HMCN1: variants seen among roughly 807,000 people sequenced by gnomAD.
HMCN1 encodes the protein hemicentin-1.
A neutral mutation model predicts 625.9 loss-of-function variants in HMCN1; 321 were observed. The ratio of observed to expected loss-of-function variants is 0.51; its 90% CI spans 0.47 to 0.56. HMCN1 has a LOEUF of 0.56. Ranked by LOEUF, HMCN1 falls within the 20% of genes least tolerant of loss-of-function variation. HMCN1 has a pLI of 0.00. For synonymous variants in HMCN1, 2,425 were observed against 2,417.6 expected, an observed-to-expected ratio of 1.00 and a Z score of -0.09; for missense variants, 6,588 against 6,887.3, an observed-to-expected ratio of 0.96 and a Z score of 1.54.
At chr1:186,070,837 A>G in intron 52 of HMCN1, 80 bp downstream of exon 52, 1 of 1,346,142 alleles carries the variant, frequency 7.4e-7, no homozygotes, top group Non-Finnish European at 1.1e-6. Flanking sequence ...TAAAATAGAC[A>G]CAAGTGACTC....
intron 41 of HMCN1, among the ~76,000 whole-genome samples, chr1:186,046,931 A>G (rs1259911194): frequency 6.6e-6 from 1 of 152,192 alleles, no homozygotes; most frequent in African/African-American, 2.4e-5. Context: ...ATCTGCCCAC[A>G]GTTACTGAAA....
rs1003271443 is a variant in HMCN1 at position 186,122,985 on chromosome 1, T to C, written c.12264T>C (p.Tyr4088=). ...PPVISPHLKE[Y]VIAVDKPITL... ...TCATTAGCCCTCATCTAAAGGAATA[T>C]GTTATTGCTGTGGACAAGCCCATCA... is the stretch of plus-strand genomic sequence containing the variant. The change falls in exon 81 of 107, where the codon TAT becomes TAC. Residue 4088 remains tyrosine (Y), a synonymous_variant. Transcript: ENST00000271588. 1 of 1,614,004 alleles carries C rather than the reference T, an allele frequency of 6.2e-7. No individual in the cohort carries two copies. Among genetic ancestry groups the C allele is most frequent in the African/African-American group, 1.3e-5 (1 of 74,940 alleles).
intron 91 of HMCN1, 34 bp from the exon 92 acceptor site, chr1:186,145,369 C>T: frequency 6.6e-7 from 1 of 1,518,412 alleles, no homozygotes; most frequent in East Asian, 2.3e-5. Context: ...ATTTTAGGGG[C>T]TCTGTTTTCA....
In HMCN1 at chr1:186,171,551, T is replaced by G. The variant is rs568706976; in HGVS notation, c.15688+101T>G. 8.3e-5 allele frequency: 77 copies of G among 931,162 alleles called. 2 individuals are homozygous for G. The South Asian group carries it at 9.7e-4, about 12-fold the overall frequency. 57.7% of individuals were successfully genotyped at this position (931,162 alleles called of 1,614,324 possible). A position where few individuals can be genotyped will look rare whatever the true frequency, so the allele number is the denominator to read the frequency against. On this transcript the variant is annotated intron_variant, in intron 101 of 106. Coordinates refer to ENST00000271588, the MANE Select transcript of HMCN1 (RefSeq NM_031935.3). ...CTGTGTCTTGGTACTGGTTCCTATA[T>G]AGGACATCAAGCATGCAGCATGTAT...
chr1:186,109,541 C>T (rs1660781787), intron 71 of HMCN1, among the ~76,000 whole-genome samples: 1 of 152,118 alleles, frequency 6.6e-6, no homozygotes, highest in African/African-American at 2.4e-5. Context: ...GAATGAACGC[C>T]ACTAGTAAAT....
chr1:186,055,690 C>A lies in HMCN1; in HGVS notation c.7144+16C>A. 6.2e-7 allele frequency: 1 copy of A among 1,610,988 alleles called. No individual in the cohort carries two copies. The highest frequency in any genetic ancestry group is 1.3e-5 in the African/African-American group (1 of 74,876). On this transcript the variant is annotated intron_variant, in intron 45 of 106. Transcript: ENST00000271588. ...AGTGTCCATGGTAAGTAGAAAGAGG[C>A]TCAATATGTCCATTCACTGGCTAAC...
chr1:186,070,836 C>G, intron 52 of HMCN1, 79 bp downstream of exon 52: 5 of 1,345,524 alleles, frequency 3.7e-6, no homozygotes, highest in Non-Finnish European at 5.3e-6. Context: ...ATAAAATAGA[C>G]ACAAGTGACT....
At chr1:185,981,580 T>C (rs1463413659) in intron 17 of HMCN1, among the ~76,000 whole-genome samples, 3 of 152,190 alleles carry the variant, frequency 2.0e-5, no homozygotes, top group Admixed American at 2.0e-4. Flanking sequence ...TCTGAAATAG[T>C]ACTACGTTGC....
rs751202428 is a variant in HMCN1 at position 186,077,221 on chromosome 1, G to T, written c.8485+599G>T. Among the ~76,000 whole-genome samples the T allele has an allele frequency of 6.2e-4, 94 of 152,194 alleles. 1 individual carries two copies. The highest frequency in any genetic ancestry group is 9.7e-4 in the Non-Finnish European group (66 of 67,976). ...TAAATTTGACCCCAATTAAATAAAAGAGTATCCTGAAAATAAAAATGAAAA... is the reference window on the plus strand; with the variant it reads ...TAAATTTGACCCCAATTAAATAAAATAGTATCCTGAAAATAAAAATGAAAA... On this transcript the variant is annotated intron_variant, in intron 54 of 106. Coordinates refer to ENST00000271588, the MANE Select transcript of HMCN1 (RefSeq NM_031935.3).
intron 30 of HMCN1, among the ~76,000 whole-genome samples, chr1:186,011,166 T>C (rs1050560813): frequency 2.0e-5 from 3 of 152,038 alleles, no homozygotes; most frequent in African/African-American, 7.2e-5. Context: ...CTGCCTCAGC[T>C]TCCCGAGTAG....
intron 1 of HMCN1, among the ~76,000 whole-genome samples, chr1:185,829,400 G>C (rs924965311): frequency 6.6e-6 from 1 of 151,562 alleles, no homozygotes; most frequent in Non-Finnish European, 1.5e-5. Context: ...CTCTAAGTTC[G>C]CTCCCCTCAC....
intron 1 of HMCN1, among the ~76,000 whole-genome samples, chr1:185,768,993 A>G (rs1447623897): frequency 1.3e-5 from 2 of 152,194 alleles, no homozygotes; most frequent in African/African-American, 4.8e-5. Flanking sequence ...GAATATGAAA[A>G]TATTTGTTTC....
chr1:186,038,105 G>A, intron 37 of HMCN1, 70 bp downstream of exon 37: 6 of 960,444 alleles, frequency 6.2e-6, no homozygotes, highest in Non-Finnish European at 1.0e-5. Flanking sequence ...TTGGTTTTGA[G>A]CATAATATAC....
intron 1 of HMCN1, among the ~76,000 whole-genome samples, chr1:185,815,064 G>A (rs1659762142): frequency 6.7e-6 from 1 of 150,168 alleles, no homozygotes; most frequent in African/African-American, 2.5e-5. Context: ...AAGAGAAAGT[G>A]AACAATGTCC....
chr1:186,146,560 A>T (rs1281063106), intron 93 of HMCN1, among the ~76,000 whole-genome samples: 1 of 152,170 alleles, frequency 6.6e-6, no homozygotes, highest in African/African-American at 2.4e-5. Context: ...TATCAGTTAG[A>T]ATCTCCAAAG....
chr1:185,810,637 CTAAA>C (rs755058326), intron 1 of HMCN1, among the ~76,000 whole-genome samples: 2 of 147,554 alleles, frequency 1.4e-5, no homozygotes, highest in African/African-American at 5.1e-5. Flanking sequence ...AGAGTGACAA[CTAAA>C]TAAATATCAA....
chr1:186,112,677 G>T (rs1660945246), intron 71 of HMCN1, 135 bp from the exon 72 acceptor site: 17 of 1,059,176 alleles, frequency 1.6e-5, no homozygotes, highest in Non-Finnish European at 2.4e-5. Flanking sequence ...CTACGAAAAT[G>T]GTGGAGGAGC....
At chr1:185,787,320 T>C (rs957684463) in intron 1 of HMCN1, among the ~76,000 whole-genome samples, 1 of 152,198 alleles carries the variant, frequency 6.6e-6, no homozygotes, top group African/African-American at 2.4e-5. Context: ...CTTCATAAGC[T>C]GCTTTAAACT....
At chr1:186,048,988 A>G (rs1022151847) in intron 42 of HMCN1, 149 bp downstream of exon 42, 2 of 626,708 alleles carry the variant, frequency 3.2e-6, no homozygotes, top group South Asian at 3.6e-5. Flanking sequence ...TGTCCTGGGT[A>G]TCAGTTCATA....
Sources: allele counts gnomAD v4.1 joint callset (sites outside exome capture counted in the v4.1 genomes callset), GRCh38; gene constraint gnomAD v4.1.1; transcripts MANE v1.5; gene names NCBI Gene and HGNC (gene_info 2026-07-23, HGNC 2026-07-21).